CARMIL2: variants seen among roughly 807,000 people sequenced by gnomAD.
CARMIL2 encodes capping protein regulator and myosin 1 linker 2.
Under a neutral mutation model 173.3 loss-of-function variants are expected in CARMIL2, and 96 were observed. The ratio of observed to expected loss-of-function variants is 0.55; its 90% CI spans 0.47 to 0.66. The LOEUF is 0.66. CARMIL2 is among the 30% of genes least tolerant of loss of function. The probability of loss-of-function intolerance (pLI) is 0.00; values close to 1 mark genes in which losing one functional copy is unlikely to be tolerated. For missense variants in CARMIL2, 1,771 were observed against 1,906.7 expected (o/e 0.93, Z 1.33); for synonymous variants, 830 against 817.1 (o/e 1.02, Z -0.27).
chr16:67,657,006 G>C lies in CARMIL2; in HGVS notation c.4117+125G>C. The C allele has an allele frequency of 1.2e-6, 1 of 839,960 alleles. No homozygotes were observed. The highest frequency in any genetic ancestry group is 1.8e-6 in the Non-Finnish European group (1 of 544,332). 52.0% of individuals were successfully genotyped at this position (839,960 alleles called of 1,614,324 possible). ...AGTGTGTGAGGTCTCAAGAAATCAG[G>C]GAGCCAGAAGACCAGGTGCAAGGGT... On this transcript the variant is annotated intron_variant, in intron 36 of 37. Coordinates refer to ENST00000334583, the MANE Select transcript of CARMIL2 (RefSeq NM_001013838.3). The surrounding 1 kb of genome is among the most constrained non-coding windows in gnomAD (Gnocchi z 4.5).
At chr16:67,656,719 C>T (rs1425906808) in intron 35 of CARMIL2, 74 bp downstream of exon 35, 5 of 1,568,604 alleles carry the variant, frequency 3.2e-6, no homozygotes, top group African/African-American at 1.4e-5. Context: ...AACTCAGCTC[C>T]TCTAAGGACC....
In CARMIL2 at chr16:67,649,785, C is replaced by G; in HGVS notation, c.1920-21C>G. On this transcript the variant is annotated intron_variant, in intron 20 of 37. Transcript: ENST00000334583. The surrounding 1 kb of genome is among the most constrained non-coding windows in gnomAD (Gnocchi z 6.7). ...GGGCGTTGGGAAGCTCCGTCCCCGA[C>G]TGAAGCCAGGCCCGGCCCAGGTCTG... 6.2e-7 allele frequency: 1 copy of G among 1,604,640 alleles called. No homozygotes were observed. The highest frequency in any genetic ancestry group is 8.5e-7 in the Non-Finnish European group (1 of 1,174,632).
chr16:67,649,233 A>C lies in CARMIL2; in HGVS notation c.1689-21A>C. 1 of 1,613,020 alleles carries C rather than the reference A, an allele frequency of 6.2e-7. No homozygotes were observed. Among genetic ancestry groups the C allele is most frequent in the Non-Finnish European group, 8.5e-7 (1 of 1,179,574 alleles). The stretch of plus-strand genomic sequence containing the variant: ...ACACCCCACCACCCCTGTCCCCCAC[A>C]ACTGCGGCCCCTGCCCACAGGGAGA... On this transcript the variant is annotated intron_variant, in intron 18 of 37. Coordinates refer to ENST00000334583, the MANE Select transcript of CARMIL2 (RefSeq NM_001013838.3). The surrounding 1 kb of genome is among the most constrained non-coding windows in gnomAD (Gnocchi z 6.7).
In CARMIL2 at chr16:67,654,042, G is replaced by GTTATTCAGTCA; in HGVS notation, c.3121-106_3121-105insTATTCAGTCAT. ...ATCAGCAGCCCCTAGGGTCACCCCA[G>GTTATTCAGTCA]TCTGGAATCCTGGAGTTATTCAGTC... On this transcript the variant is annotated intron_variant, in intron 29 of 37. Coordinates refer to ENST00000334583, the MANE Select transcript of CARMIL2 (RefSeq NM_001013838.3). The GTTATTCAGTCA allele has an allele frequency of 9.5e-6, 7 of 734,206 alleles. No individual in the cohort carries two copies. In the South Asian group the frequency reaches 1.2e-4, roughly 13 times the overall value. The allele number at this position is 734,206 out of a possible 1,614,324, so 45.5% of individuals were successfully genotyped here.
Position 67,647,693 on chromosome 16 carries a change from C to T in CARMIL2, c.885C>T (p.Leu295=). 1 of 1,600,326 alleles carries T rather than the reference C, an allele frequency of 6.2e-7. No homozygotes were observed. Among genetic ancestry groups the T allele is most frequent in the Non-Finnish European group, 8.5e-7 (1 of 1,174,776 alleles). ...CCACCCCCCAAGGCATGACTGCACTCAGCAGACACCTCGAGCGTTGTCCAG... is the reference window on the plus strand; with the variant it reads ...CCACCCCCCAAGGCATGACTGCACTTAGCAGACACCTCGAGCGTTGTCCAG... ...NLLDDRGMTA[L]SRHLERCPGA... Residue 295 remains leucine (L), a synonymous_variant, in exon 12 of 38, where the codon CTC becomes CTT. Coordinates refer to ENST00000334583, the MANE Select transcript of CARMIL2 (RefSeq NM_001013838.3).
In CARMIL2 at chr16:67,647,688, G is replaced by A. The variant is rs866513754; in HGVS notation, c.880G>A (p.Ala294Thr). 1.9e-6 allele frequency: 3 copies of A among 1,599,778 alleles called. No homozygotes were observed. The highest frequency in any genetic ancestry group is 2.3e-5 in the East Asian group (1 of 44,250). ...GNLLDDRGMT[A>T]LSRHLERCPG... ...TGTTCCCACCCCCCAAGGCATGACT[G>A]CACTCAGCAGACACCTCGAGCGTTG... The change falls in exon 12 of 38, where the codon GCA (alanine) becomes ACA (threonine). Residue 294 changes from alanine (A) to threonine (T), a missense_variant. Ala to Thr is a moderately conservative substitution (Grantham distance 58). Coordinates refer to ENST00000334583, the MANE Select transcript of CARMIL2 (RefSeq NM_001013838.3).
Position 67,649,659 on chromosome 16 carries a change from C to A in CARMIL2, c.1919+40C>A. 2 of 1,481,226 alleles carry A rather than the reference C, an allele frequency of 1.4e-6. No homozygotes were observed. The highest frequency in any genetic ancestry group is 1.8e-6 in the Non-Finnish European group (2 of 1,092,658). 91.8% of individuals were successfully genotyped at this position (1,481,226 alleles called of 1,614,324 possible). ...AGGGGTGGGACCAGCGGGCAGGGGG[C>A]GCGGTGGAGAGGAGGGCACCGGGCT... On this transcript the variant is annotated intron_variant, in intron 20 of 37. Coordinates refer to ENST00000334583, the MANE Select transcript of CARMIL2 (RefSeq NM_001013838.3). This position sits in a 1 kb window ranked among gnomAD's most constrained non-coding sequence, Gnocchi z 6.7.
Position 67,649,345 on chromosome 16 carries a change from A to T in CARMIL2, c.1746+34A>T, listed in dbSNP as rs757754271. On this transcript the variant is annotated intron_variant, in intron 19 of 37. Coordinates refer to ENST00000334583, the MANE Select transcript of CARMIL2 (RefSeq NM_001013838.3). The surrounding 1 kb of genome is among the most constrained non-coding windows in gnomAD (Gnocchi z 6.7). ...ACGGGACCTTGCAGGGCCTCGGGCA[A>T]TTAGACCACTTTGGTCCTCCTTTCT... The T allele has an allele frequency of 1.2e-6, 2 of 1,609,948 alleles. No individual in the cohort carries two copies. Among genetic ancestry groups the T allele is most frequent in the Non-Finnish European group, 1.7e-6 (2 of 1,179,392 alleles).
Position 67,649,723 on chromosome 16 carries a change from G to A in CARMIL2, c.1920-83G>A, listed in dbSNP as rs73597582. On this transcript the variant is annotated intron_variant, in intron 20 of 37. Transcript: ENST00000334583. The surrounding 1 kb of genome is among the most constrained non-coding windows in gnomAD (Gnocchi z 6.7). ...GAATGAGGCGGAGCAAATGGAGCAG[G>A]CTGACGAGGCGAATGGACTAGGCCG... The A allele has an allele frequency of 0.1, 156,490 of 1,568,092 alleles. 8,704 individuals are homozygous for A. Among genetic ancestry groups the A allele is most frequent in the African/African-American group, 0.19 (14,206 of 74,316 alleles).
rs376093512 is a variant in CARMIL2, at chr16:67,648,519, G to T, written c.1439+17G>T. On this transcript the variant is annotated intron_variant, in intron 15 of 37. Transcript: ENST00000334583. This position sits in a 1 kb window ranked among gnomAD's most constrained non-coding sequence, Gnocchi z 6.1. ...CGCGCTCAGGTCAGTGTCGGACCCC[G>T]GCCACGCCCCCGCGGGCGCTCCCAC... 389 of 1,462,740 alleles carry T rather than the reference G, an allele frequency of 2.7e-4. No individual in the cohort carries two copies. The highest frequency in any genetic ancestry group is 3.4e-4 in the Non-Finnish European group (376 of 1,104,488). The allele number at this position is 1,462,740 out of a possible 1,614,324, so 90.6% of individuals were successfully genotyped here.
chr16:67,649,723 G>T lies in CARMIL2; in HGVS notation c.1920-83G>T, dbSNP rs73597582. 1.3e-5 allele frequency: 20 copies of T among 1,568,432 alleles called. No homozygotes were observed. Among genetic ancestry groups the T allele is most frequent in the Non-Finnish European group, 1.5e-5 (17 of 1,156,404 alleles). ...GAATGAGGCGGAGCAAATGGAGCAG[G>T]CTGACGAGGCGAATGGACTAGGCCG... On this transcript the variant is annotated intron_variant, in intron 20 of 37. Coordinates refer to ENST00000334583, the MANE Select transcript of CARMIL2 (RefSeq NM_001013838.3). The surrounding 1 kb of genome is among the most constrained non-coding windows in gnomAD (Gnocchi z 6.7).
At chr16:67,647,448 T>C in intron 10 of CARMIL2, 60 bp from the exon 11 acceptor site, 1 of 1,556,812 alleles carries the variant, frequency 6.4e-7, no homozygotes, top group Non-Finnish European at 8.7e-7. Context: ...TGGGGGCTAG[T>C]GGCCTGGGAG....
Position 67,645,192 on chromosome 16 carries a change from C to CCTGT in CARMIL2, c.-55_-54insCTGT. The CCTGT allele has an allele frequency of 6.9e-7, 1 of 1,447,784 alleles. No individual in the cohort carries two copies. The highest frequency in any genetic ancestry group is 9.4e-7 in the Non-Finnish European group (1 of 1,060,516). 89.7% of individuals were successfully genotyped at this position (1,447,784 alleles called of 1,614,324 possible). ...GCCCCAGGCTTCCTGTGTGCGCGCTCGTCCTCTGCTGTTTCCCGCCGGAGC... is the reference window on the plus strand; with the variant it reads ...GCCCCAGGCTTCCTGTGTGCGCGCTCCTGTGTCCTCTGCTGTTTCCCGCCGGAGC... On this transcript the variant is annotated 5_prime_UTR_variant, in exon 1 of 38. Transcript: ENST00000334583.
Position 67,649,184 on chromosome 16 carries a change from C to A in CARMIL2, c.1688+12C>A. 6.2e-7 allele frequency: 1 copy of A among 1,613,152 alleles called. No individual in the cohort carries two copies. Among genetic ancestry groups the A allele is most frequent in the East Asian group, 2.2e-5 (1 of 44,868 alleles). On this transcript the variant is annotated intron_variant, in intron 18 of 37. Transcript: ENST00000334583. This position sits in a 1 kb window ranked among gnomAD's most constrained non-coding sequence, Gnocchi z 6.7. ...AACGTCCGGTGCAAGTGAGCCCCCA[C>A]CCTACTCCTGGGCCTCCCAGACAAC...
In CARMIL2 at chr16:67,654,665, G is replaced by C. The variant is rs758923852; in HGVS notation, c.3555G>C (p.Glu1185Asp). ...YSMILLPAEE[E>D]ATLGARPDKR... ...TGATACTGCTGCCTGCCGAGGAGGA[G>C]GCAACGCTGGGTGCCAGACCCGACA... The change falls in exon 31 of 38, where the codon GAG becomes GAC. Residue 1185 changes from glutamate to aspartate, a missense_variant. Physicochemically the swap from Glu to Asp is conservative, Grantham distance 45. This residue lies in a region of CARMIL2 where 817 missense variants were observed against 903.5 expected (regional missense o/e 0.90). Coordinates refer to ENST00000334583, the MANE Select transcript of CARMIL2 (RefSeq NM_001013838.3). 3.8e-6 allele frequency: 6 copies of C among 1,586,236 alleles called. No homozygotes were observed. Among genetic ancestry groups the C allele is most frequent in the Non-Finnish European group, 4.3e-6 (5 of 1,164,938 alleles).
chr16:67,654,759 C>G lies in CARMIL2; in HGVS notation c.3583-19C>G, dbSNP rs776552093. 2.5e-6 allele frequency: 4 copies of G among 1,612,672 alleles called. No homozygotes were observed. Among genetic ancestry groups the G allele is most frequent in the Non-Finnish European group, 3.4e-6 (4 of 1,179,560 alleles). ...CCCAGGGCGCGGACTGTCTCCAACT[C>G]GAGCATCTCTGTCCCTAGCGGCGGC... On this transcript the variant is annotated intron_variant, in intron 31 of 37. Transcript: ENST00000334583.
At position 67,653,264 on chromosome 16, in the gene CARMIL2, C is replaced by A. The variant is rs1049005683; in HGVS notation, c.3120+10C>A. Reference sequence around the variant, plus strand: ...GCCGGGGGGCCCCCAGGTGAGCACCCTTCCCCCACTCCGGAGCGCGTGGAA... The same window carrying A: ...GCCGGGGGGCCCCCAGGTGAGCACCATTCCCCCACTCCGGAGCGCGTGGAA... On this transcript the variant is annotated intron_variant, in intron 29 of 37. Coordinates refer to ENST00000334583, the MANE Select transcript of CARMIL2 (RefSeq NM_001013838.3). The surrounding 1 kb of genome is among the most constrained non-coding windows in gnomAD (Gnocchi z 7.4). The A allele has an allele frequency of 2.7e-6, 3 of 1,125,844 alleles. No homozygotes were observed. Among genetic ancestry groups the A allele is most frequent in the Admixed American group, 4.9e-5 (1 of 20,512 alleles). The allele number at this position is 1,125,844 out of a possible 1,614,324, so 69.7% of individuals were successfully genotyped here. A position where few individuals can be genotyped will look rare whatever the true frequency, so the allele number is the denominator to read the frequency against.
At chr16:67,655,967 C>T (rs565990906) in intron 32 of CARMIL2, 64 bp from the exon 33 acceptor site, 26 of 1,540,254 alleles carry the variant, frequency 1.7e-5, no homozygotes, top group Middle Eastern at 1.7e-4. Context: ...AGAACAAGAA[C>T]GAACAAAAGG....
Position 67,653,745 on chromosome 16 carries a change from C to T in CARMIL2, c.3121-404C>T, listed in dbSNP as rs866247797. On this transcript the variant is annotated intron_variant, in intron 29 of 37. Coordinates refer to ENST00000334583, the MANE Select transcript of CARMIL2 (RefSeq NM_001013838.3). This position sits in a 1 kb window ranked among gnomAD's most constrained non-coding sequence, Gnocchi z 7.4. ...CCCCCAGAGGGTCTGACGCAGCAGC[C>T]GGCGCCACTGAGCCGGCAGCAGGCC... 2.6e-4 allele frequency among the ~76,000 whole-genome samples: 37 copies of T among 142,840 alleles called. No individual in the cohort carries two copies. The highest frequency in any genetic ancestry group is 5.0e-4 in the Non-Finnish European group (33 of 65,532). The allele number at this position is 142,840 out of a possible 152,430, so 93.7% of individuals were successfully genotyped here.
Sources: gnomAD v4.1 joint callset for allele counts (sites outside exome capture counted in the v4.1 genomes callset) on GRCh38, gnomAD v4.1.1 for gene constraint, gnomAD v4.1.1 regional missense constraint, Gnocchi (gnomAD v3.1) non-coding constraint, MANE v1.5 for transcripts, NCBI Gene and HGNC (gene_info 2026-07-23, HGNC 2026-07-21) for gene names.